The following CERS6 variants were observed in gnomAD, a reference collection of about 807,000 sequenced individuals.
CERS6 encodes ceramide synthase 6.
CERS6 carries 26 observed loss-of-function variants against 56.8 expected under a neutral mutation model. That is an observed-to-expected ratio of 0.46 (90% CI 0.34 to 0.63). The LOEUF (loss-of-function observed/expected upper bound fraction) is 0.63, where lower values mean the gene tolerates loss of function less well. Ranked by LOEUF, CERS6 falls within the 30% of genes least tolerant of loss-of-function variation. The pLI, the probability that CERS6 is intolerant of heterozygous loss-of-function variation, is 0.01. For missense variants in CERS6, 415 were observed against 467.5 expected, an observed-to-expected ratio of 0.89 and a Z score of 1.04; for synonymous variants, 164 against 173.3, an observed-to-expected ratio of 0.95 and a Z score of 0.42.
chr2:168,487,859 C>T (rs529035572), intron 1 of CERS6, among the ~76,000 whole-genome samples: 8 of 152,184 alleles, frequency 5.3e-5, no homozygotes, highest in South Asian at 2.1e-4. Context: ...AGCTGGGCGA[C>T]GTGTGTGCCA....
At chr2:168,767,909 G>C (rs373324625) in intron 9 of CERS6, among the ~76,000 whole-genome samples, 6 of 152,142 alleles carry the variant, frequency 3.9e-5, no homozygotes, top group Admixed American at 2.6e-4. Flanking sequence ...GAGGCCACCA[G>C]GTCTCTTTTG....
chr2:168,497,179 A>T (rs1001073093), intron 1 of CERS6, among the ~76,000 whole-genome samples: 1 of 152,202 alleles, frequency 6.6e-6, no homozygotes, highest in Middle Eastern at 3.2e-3. Context: ...TGTGGTAGAC[A>T]GAAGGGATAT....
chr2:168,673,945 G>A (rs576939898), intron 4 of CERS6, among the ~76,000 whole-genome samples: 11 of 152,114 alleles, frequency 7.2e-5, no homozygotes, highest in South Asian at 4.2e-4. Flanking sequence ...GGCCATATGC[G>A]ATCATTTCTA....
intron 8 of CERS6, among the ~76,000 whole-genome samples, chr2:168,759,024 C>G (rs1486383391): frequency 2.0e-5 from 3 of 152,040 alleles, no homozygotes; most frequent in Non-Finnish European, 2.9e-5. Context: ...CTATGATGAT[C>G]AAAGTTAAGA....
At chr2:168,474,750 A>G (rs367783592) in intron 1 of CERS6, among the ~76,000 whole-genome samples, 1 of 152,202 alleles carries the variant, frequency 6.6e-6, no homozygotes, top group Admixed American at 6.5e-5. Flanking sequence ...TATTTAACAA[A>G]CATATTTCAC....
rs1198302684 is a variant in CERS6 at position 168,770,063 on chromosome 2, A to C, written c.*401A>C. The C allele has an allele frequency of 9.7e-6, 2 of 206,224 alleles. No individual in the cohort carries two copies. Among genetic ancestry groups the C allele is most frequent in the Non-Finnish European group, 1.9e-5 (2 of 103,920 alleles). The allele number at this position is 206,224 out of a possible 1,614,324, so 12.8% of individuals were successfully genotyped here. A position where few individuals can be genotyped will look rare whatever the true frequency, so the allele number is the denominator to read the frequency against. Reference sequence around the variant, plus strand: ...TCCAATGTGCTATGAGCATCAGCTTACTTTGTCACTTAGAGCAAGCAAAAC... The same window carrying C: ...TCCAATGTGCTATGAGCATCAGCTTCCTTTGTCACTTAGAGCAAGCAAAAC... On this transcript the variant is annotated 3_prime_UTR_variant, in exon 10 of 10. Transcript: ENST00000305747.
At chr2:168,590,209 G>A (rs1683640344) in intron 3 of CERS6, among the ~76,000 whole-genome samples, 1 of 152,186 alleles carries the variant, frequency 6.6e-6, no homozygotes, top group African/African-American at 2.4e-5. Flanking sequence ...ACTAGGAGAG[G>A]ATATGGTCAT....
chr2:168,535,401 C>A (rs193293477), intron 1 of CERS6, among the ~76,000 whole-genome samples: 1 of 152,300 alleles, frequency 6.6e-6, no homozygotes, highest in Non-Finnish European at 1.5e-5. Context: ...CACGGATTCC[C>A]TGGCTGGGTA....
Position 168,730,248 on chromosome 2 carries a change from G to A in CERS6, c.845+12270G>A, listed in dbSNP as rs115721297. Among the ~76,000 whole-genome samples the A allele has an allele frequency of 7.1e-3, 1,080 of 152,312 alleles. 11 individuals carry two copies. The highest frequency in any genetic ancestry group is 0.024 in the African/African-American group (1,012 of 41,560). ...TTAATAAGTCCTGCCTTTATCCACA[G>A]CTGGTCATAAAACAGAAATGCTTAG... On this transcript the variant is annotated intron_variant, in intron 8 of 9. Transcript: ENST00000305747.
chr2:168,667,226 A>C (rs1235359146), intron 4 of CERS6, among the ~76,000 whole-genome samples: 1 of 152,264 alleles, frequency 6.6e-6, no homozygotes, highest in Non-Finnish European at 1.5e-5. Flanking sequence ...ACCTTTAAGC[A>C]GGAAAACCCC....
At chr2:168,596,082 C>CAA (rs11416261) in intron 3 of CERS6, among the ~76,000 whole-genome samples, 5,245 of 138,668 alleles carry the variant, frequency 0.038, 129 homozygotes, top group Non-Finnish European at 0.058. Flanking sequence ...GACCCTGTCT[C>CAA]AAAAAAAAAA....
At chr2:168,687,733 C>T (rs1014238265) in intron 4 of CERS6, among the ~76,000 whole-genome samples, 1 of 152,176 alleles carries the variant, frequency 6.6e-6, no homozygotes, top group Non-Finnish European at 1.5e-5. Flanking sequence ...GACAGGGTCT[C>T]ACTCTGTTGC....
intron 4 of CERS6, among the ~76,000 whole-genome samples, chr2:168,669,499 A>G (rs1236330978): frequency 6.6e-6 from 1 of 152,170 alleles, no homozygotes; most frequent in Non-Finnish European, 1.5e-5. Flanking sequence ...AAGAGAAGGG[A>G]GAATGATGTT....
intron 1 of CERS6, among the ~76,000 whole-genome samples, chr2:168,475,706 TA>T (rs1694056393): frequency 6.6e-6 from 1 of 152,240 alleles, no homozygotes; most frequent in African/African-American, 2.4e-5. Flanking sequence ...AGTTTCTTAA[TA>T]ATATTTCTTG....
rs1276618022 is a variant in CERS6 at position 168,774,320 on chromosome 2, G to C, written c.*4658G>C. 6.6e-6 allele frequency: 1 copy of C among 152,146 alleles called. No individual in the cohort carries two copies. The highest frequency in any genetic ancestry group is 1.5e-5 in the Non-Finnish European group (1 of 68,046). 9.4% of individuals were successfully genotyped at this position (152,146 alleles called of 1,614,324 possible). A position where few individuals can be genotyped will look rare whatever the true frequency, so the allele number is the denominator to read the frequency against. On this transcript the variant is annotated 3_prime_UTR_variant, in exon 10 of 10. Transcript: ENST00000305747. The stretch of plus-strand genomic sequence containing the variant: ...GGAGTTCCTGATAAAAGGAAGCCAG[G>C]GTGTGGACATTTTTTAGCTATTGAT...
At chr2:168,555,734 G>C (rs1403435511) in intron 2 of CERS6, among the ~76,000 whole-genome samples, 1 of 149,400 alleles carries the variant, frequency 6.7e-6, no homozygotes, top group Admixed American at 6.7e-5. Flanking sequence ...GTGTGTGTGT[G>C]TGTGTGTGTG....
At chr2:168,716,970 G>C (rs991906799) in intron 7 of CERS6, among the ~76,000 whole-genome samples, 2 of 152,086 alleles carry the variant, frequency 1.3e-5, no homozygotes, top group Non-Finnish European at 2.9e-5. Flanking sequence ...AATTCAGAAG[G>C]CATCATGAAT....
intron 1 of CERS6, among the ~76,000 whole-genome samples, chr2:168,468,127 T>C (rs1442650712): frequency 6.6e-6 from 1 of 152,122 alleles, no homozygotes; most frequent in Non-Finnish European, 1.5e-5. Flanking sequence ...TTTCTAATGG[T>C]GGAGTGTTAA....
intron 8 of CERS6, among the ~76,000 whole-genome samples, chr2:168,745,536 T>C (rs145495456): frequency 0.045 from 6,860 of 152,182 alleles, 324 homozygotes; most frequent in Admixed American, 0.15. Context: ...CCACTGCGCC[T>C]GGCCAAATAT....
Sources: gnomAD v4.1 joint callset for allele counts (sites outside exome capture counted in the v4.1 genomes callset) on GRCh38, gnomAD v4.1.1 for gene constraint, MANE v1.5 for transcripts, NCBI Gene and HGNC (gene_info 2026-07-23, HGNC 2026-07-21) for gene names.